Variants in ARHGAP6 observed in about 807,000 individuals in gnomAD.
ARHGAP6 encodes the protein rho GTPase-activating protein 6.
A neutral mutation model predicts 55.7 loss-of-function variants in ARHGAP6; 16 were observed. The observed-to-expected ratio is 0.29, with a 90% CI of 0.19 to 0.44. The LOEUF (loss-of-function observed/expected upper bound fraction) is 0.44, where lower values mean the gene tolerates loss of function less well. Ranked by LOEUF, ARHGAP6 falls within the 20% of genes least tolerant of loss-of-function variation. The pLI, the probability that ARHGAP6 is intolerant of heterozygous loss-of-function variation, is 1.00. For synonymous variants in ARHGAP6, 382 were observed against 360.9 expected (o/e 1.06, Z -0.66); for missense variants, 698 against 808.9 (o/e 0.86, Z 1.66).
chrX:11,514,872 ACT>A (rs1270017577), intron 1 of ARHGAP6, among the ~76,000 whole-genome samples: 1 of 103,928 alleles, frequency 9.6e-6, no homozygotes, highest in Non-Finnish European at 2.0e-5. Context: ...ACACACACAC[ACT>A]CATCCACACA....
At chrX:11,416,999 C>T (rs1188900467) in intron 1 of ARHGAP6, among the ~76,000 whole-genome samples, 1 of 96,643 alleles carries the variant, frequency 1.0e-5, no homozygotes, top group East Asian at 3.2e-4. Flanking sequence ...ATAAAATTAC[C>T]ACAACCCTCA....
At chrX:11,335,777 G>T in intron 1 of ARHGAP6, 1 of 277,426 alleles carries the variant, frequency 3.6e-6, no homozygotes, top group South Asian at 4.2e-5. Context: ...TCCCAGGATG[G>T]GATCTGGAGG....
intron 1 of ARHGAP6, among the ~76,000 whole-genome samples, chrX:11,542,077 CTTTTTTTT>C (rs534684948): frequency 2.0e-5 from 2 of 98,089 alleles, no homozygotes; most frequent in South Asian, 4.5e-4. Flanking sequence ...CAAAGCCCTA[CTTTTTTTT>C]TTTTTTTTTC....
At chrX:11,452,186 C>G (rs145701623) in intron 1 of ARHGAP6, among the ~76,000 whole-genome samples, 167 of 112,246 alleles carry the variant, frequency 1.5e-3, no homozygotes, top group Non-Finnish European at 2.5e-3. Context: ...CTCACCCTGT[C>G]GCCCAGTATG....
intron 1 of ARHGAP6, among the ~76,000 whole-genome samples, chrX:11,603,763 C>T (rs748053184): frequency 8.9e-6 from 1 of 111,802 alleles, no homozygotes; most frequent in Non-Finnish European, 1.9e-5. Context: ...ACATAAAGAA[C>T]AAAATTTCTT....
intron 1 of ARHGAP6, among the ~76,000 whole-genome samples, chrX:11,481,989 G>T (rs149598834): frequency 1.8e-5 from 2 of 112,451 alleles, no homozygotes; most frequent in African/African-American, 6.5e-5. Context: ...AGCTTAGAGG[G>T]CATTTCCCCC....
chrX:11,230,094 T>C (rs978423358), intron 2 of ARHGAP6, among the ~76,000 whole-genome samples: 2 of 112,409 alleles, frequency 1.8e-5, no homozygotes, highest in African/African-American at 6.5e-5. Flanking sequence ...CAGAGGTCCA[T>C]GTGAGAGTTC....
rs748925779 is a variant in ARHGAP6, at chrX:11,655,748, T to C, written c.588+8493A>G. Reference sequence around the variant, plus strand: ...TACAATCACAGTCTCACTCTCTTTATCTAAGTAATGGCTCAGAGAGGATGC... The same window carrying C: ...TACAATCACAGTCTCACTCTCTTTACCTAAGTAATGGCTCAGAGAGGATGC... On this transcript the variant is annotated intron_variant, in intron 1 of 12. Coordinates refer to ENST00000337414, the MANE Select transcript of ARHGAP6 (RefSeq NM_013427.3). 6.2e-5 allele frequency among the ~76,000 whole-genome samples: 7 copies of C among 112,638 alleles called. No individual in the cohort carries two copies. The South Asian group carries it at 2.2e-3, about 35-fold the overall frequency.
At chrX:11,350,039 C>A (rs1197977018) in intron 1 of ARHGAP6, among the ~76,000 whole-genome samples, 1 of 111,941 alleles carries the variant, frequency 8.9e-6, no homozygotes, top group African/African-American at 3.2e-5. Context: ...TAAGGAAACC[C>A]AGAAAAAGAA....
chrX:11,143,936 G>T (rs1448753353), intron 11 of ARHGAP6, 44 bp downstream of exon 11: 12 of 1,210,180 alleles, frequency 9.9e-6, no homozygotes, highest in Non-Finnish European at 1.3e-5. Context: ...ACAAGAGGAG[G>T]GTCGCTTGTT....
chrX:11,304,777 C>CTTTTTTTTTTTTTTTTTT (rs953912280), intron 1 of ARHGAP6, among the ~76,000 whole-genome samples: 7 of 50,308 alleles, frequency 1.4e-4, no homozygotes, highest in African/African-American at 5.2e-4. Flanking sequence ...CTTTCTTTTA[C>CTTTTTTTTTTTTTTTTTT]TTTTTTTTTT....
intron 1 of ARHGAP6, among the ~76,000 whole-genome samples, chrX:11,633,926 T>C (rs1446458545): frequency 1.8e-5 from 2 of 111,693 alleles, no homozygotes; most frequent in Non-Finnish European, 3.8e-5. Flanking sequence ...ACAGCATTTA[T>C]AGTGGTACCT....
At chrX:11,571,751 A>G (rs187857145) in intron 1 of ARHGAP6, among the ~76,000 whole-genome samples, 65 of 90,126 alleles carry the variant, frequency 7.2e-4, no homozygotes, top group African/African-American at 2.8e-3. Context: ...AGCTGAGTAT[A>G]GTGCTGCATG....
intron 10 of ARHGAP6, among the ~76,000 whole-genome samples, chrX:11,153,558 C>G (rs1027612902): frequency 1.0e-5 from 1 of 99,347 alleles, no homozygotes; most frequent in Non-Finnish European, 2.0e-5. Flanking sequence ...AAGGCAACTA[C>G]AGCTAGAGGG....
At chrX:11,549,174 C>T (rs1459808444) in intron 1 of ARHGAP6, among the ~76,000 whole-genome samples, 3 of 111,810 alleles carry the variant, frequency 2.7e-5, no homozygotes, top group Non-Finnish European at 5.6e-5. Flanking sequence ...GGTAGAGATG[C>T]ACATTTGGAA....
intron 8 of ARHGAP6, among the ~76,000 whole-genome samples, chrX:11,176,535 C>T (rs1030243048): frequency 5.7e-5 from 6 of 105,786 alleles, no homozygotes; most frequent in African/African-American, 2.1e-4. Flanking sequence ...ACAATGAGTT[C>T]GATTGGAACT....
In ARHGAP6 at chrX:11,339,973, T is replaced by C. The variant is rs544020723; in HGVS notation, c.589-85266A>G. ...TACCCATATCTAATTAAACACTTAG[T>C]CCTGTTGCTTATACTTCTAAAATAT... On this transcript the variant is annotated intron_variant, in intron 1 of 12. Coordinates refer to ENST00000337414, the MANE Select transcript of ARHGAP6 (RefSeq NM_013427.3). 2.7e-5 allele frequency among the ~76,000 whole-genome samples: 3 copies of C among 112,082 alleles called. No homozygotes were observed. The South Asian group carries it at 1.1e-3, about 42-fold the overall frequency.
At chrX:11,354,323 C>CTATATATATATATA (rs1555997400) in intron 1 of ARHGAP6, among the ~76,000 whole-genome samples, 7 of 57,125 alleles carry the variant, frequency 1.2e-4, no homozygotes, top group Non-Finnish European at 2.2e-4. Flanking sequence ...CTCTCTCTCT[C>CTATATATATATATA]TCTCTATATA....
chrX:11,176,283 T>A (rs6639055), intron 8 of ARHGAP6, among the ~76,000 whole-genome samples: 4 of 48,378 alleles, frequency 8.3e-5, no homozygotes, highest in East Asian at 1.1e-3. Context: ...ATTTATATAT[T>A]TATATGTATT....
Sources: allele counts gnomAD v4.1 joint callset (sites outside exome capture counted in the v4.1 genomes callset), GRCh38; gene constraint gnomAD v4.1.1; transcripts MANE v1.5; gene names NCBI Gene and HGNC (gene_info 2026-07-23, HGNC 2026-07-21).